NPRL3: variants seen among roughly 807,000 people sequenced by gnomAD.
NPRL3 encodes the protein NPR3 like, GATOR1 complex subunit.
NPRL3 carries 23 observed loss-of-function variants against 57.2 expected under a neutral mutation model. The observed-to-expected ratio is 0.40, with a 90% CI of 0.29 to 0.57. The LOEUF is 0.57. Ranked by LOEUF, NPRL3 falls within the 20% of genes least tolerant of loss-of-function variation. The probability of loss-of-function intolerance (pLI) is 0.42; values close to 1 mark genes in which losing one functional copy is unlikely to be tolerated. For missense variants in NPRL3, 691 were observed against 767.1 expected (o/e 0.90, Z 1.17); for synonymous variants, 333 against 321.1 (o/e 1.04, Z -0.39).
At chr16:95,426 AGGTT>A (rs1179979811) in intron 9 of NPRL3, among the ~76,000 whole-genome samples, 1 of 150,298 alleles carries the variant, frequency 6.7e-6, no homozygotes, top group African/African-American at 2.4e-5. Context: ...GGAGGGATCT[AGGTT>A]ACCTGTGGGA....
Position 86,441 on chromosome 16 carries a change from C to T in NPRL3, c.*264G>A, listed in dbSNP as rs555536480. On this transcript the variant is annotated 3_prime_UTR_variant, in exon 14 of 14. Transcript: ENST00000611875. ...CAGAGACAGGAGTCCTGGCAGGCCC[C>T]CCTCCAGCGTGGAGATGCCTACGCG... 1 of 460,286 alleles carries T rather than the reference C, an allele frequency of 2.2e-6. No homozygotes were observed. The highest frequency in any genetic ancestry group is 4.0e-6 in the Non-Finnish European group (1 of 252,642). The allele number at this position is 460,286 out of a possible 1,614,324, so 28.5% of individuals were successfully genotyped here.
At chr16:88,548 G>T in intron 13 of NPRL3, 150 bp downstream of exon 13, 1 of 724,742 alleles carries the variant, frequency 1.4e-6, no homozygotes, top group Non-Finnish European at 2.3e-6. Flanking sequence ...AGTGGCACCT[G>T]CCCCTACACA....
chr16:112,486 C>G, intron 6 of NPRL3, 136 bp downstream of exon 6: 1 of 825,392 alleles, frequency 1.2e-6, no homozygotes, highest in Non-Finnish European at 1.7e-6. Context: ...GACTGCTCTG[C>G]TGGTGTTGGG....
intron 2 of NPRL3, among the ~76,000 whole-genome samples, chr16:136,113 G>A (rs1901062613): frequency 6.6e-6 from 1 of 152,182 alleles, no homozygotes; most frequent in African/African-American, 2.4e-5. Context: ...ATGCTACTTT[G>A]GGGATTTAAT....
chr16:123,725 C>CA (rs1365683369), intron 3 of NPRL3, among the ~76,000 whole-genome samples: 1 of 151,732 alleles, frequency 6.6e-6, no homozygotes, highest in Non-Finnish European at 1.5e-5. Flanking sequence ...CAGGATCACA[C>CA]ACTCCCCACG....
At chr16:88,604 A>T in intron 13 of NPRL3, 94 bp downstream of exon 13, 1 of 1,126,938 alleles carries the variant, frequency 8.9e-7, no homozygotes, top group Non-Finnish European at 1.3e-6. Context: ...ATCTGTTCTC[A>T]GTGGATTTGG....
intron 7 of NPRL3, among the ~76,000 whole-genome samples, chr16:103,828 T>C (rs958890376): frequency 5.9e-5 from 9 of 152,044 alleles, no homozygotes; most frequent in Admixed American, 5.9e-4. Flanking sequence ...AAAATACAAA[T>C]ATTAGGCCGG....
Position 86,444 on chromosome 16 carries a change from T to A in NPRL3, c.*261A>T. ...AGACAGGAGTCCTGGCAGGCCCCCCTCCAGCGTGGAGATGCCTACGCGTGC... is the reference window on the plus strand; with the variant it reads ...AGACAGGAGTCCTGGCAGGCCCCCCACCAGCGTGGAGATGCCTACGCGTGC... On this transcript the variant is annotated 3_prime_UTR_variant, in exon 14 of 14. Coordinates refer to ENST00000611875, the MANE Select transcript of NPRL3 (RefSeq NM_001077350.3). The A allele has an allele frequency of 2.2e-6, 1 of 459,564 alleles. No individual in the cohort carries two copies. The allele number at this position is 459,564 out of a possible 1,614,324, so 28.5% of individuals were successfully genotyped here. A position where few individuals can be genotyped will look rare whatever the true frequency, so the allele number is the denominator to read the frequency against.
intron 7 of NPRL3, among the ~76,000 whole-genome samples, chr16:103,305 T>TGTTTGTTTG (rs1567136035): frequency 5.0e-5 from 5 of 100,318 alleles, no homozygotes; most frequent in African/African-American, 1.9e-4. Context: ...GATTTTTTTT[T>TGTTTGTTTG]TTTTTTTTTT....
Position 102,279 on chromosome 16 carries a change from CA to C in NPRL3, c.630-1771del, listed in dbSNP as rs558121796. The stretch of plus-strand genomic sequence containing the variant: ...CCTTGCCTTAAGTAAGAGCCAACAG[CA>C]CTTGTTCTATGACACAGAGGAGATG... On this transcript the variant is annotated intron_variant, in intron 7 of 13. Transcript: ENST00000611875. 3.9e-3 allele frequency among the ~76,000 whole-genome samples: 589 copies of C among 152,324 alleles called. 4 individuals carry two copies. The highest frequency in any genetic ancestry group is 6.5e-3 in the Non-Finnish European group (439 of 68,022).
In NPRL3 at chr16:138,336, TGAGG is replaced by T; in HGVS notation, c.-67-6_-67-3del. ...GACGGAGCCGGAGGCGGAGGGGGCC[TGAGG>T]AGGACGGAGCCGGAGGCGGAGGGGG... On this transcript the variant is annotated splice_polypyrimidine_tract_variant and splice_region_variant and intron_variant, in intron 1 of 13. Transcript: ENST00000611875. 1 of 551,892 alleles carries T rather than the reference TGAGG, an allele frequency of 1.8e-6. No homozygotes were observed. 34.2% of individuals were successfully genotyped at this position (551,892 alleles called of 1,614,324 possible). A position where few individuals can be genotyped will look rare whatever the true frequency, so the allele number is the denominator to read the frequency against.
At chr16:104,083 G>A (rs1056023643) in intron 7 of NPRL3, among the ~76,000 whole-genome samples, 2 of 150,076 alleles carry the variant, frequency 1.3e-5, no homozygotes, top group African/African-American at 4.9e-5. Context: ...CTGAGATCGT[G>A]CCATTGCACT....
intron 2 of NPRL3, among the ~76,000 whole-genome samples, chr16:136,930 G>A (rs781344562): frequency 8.6e-5 from 13 of 151,692 alleles, no homozygotes; most frequent in Non-Finnish European, 1.2e-4. Context: ...TGAACAGTCC[G>A]GGTGCGGTGG....
intron 5 of NPRL3, among the ~76,000 whole-genome samples, chr16:114,388 T>C (rs1005814103): frequency 2.0e-5 from 3 of 152,208 alleles, no homozygotes; most frequent in Non-Finnish European, 4.4e-5. Flanking sequence ...ATTTTCACCA[T>C]ACACGACATA....
intron 3 of NPRL3, among the ~76,000 whole-genome samples, chr16:129,582 C>G (rs938899161): frequency 6.6e-6 from 1 of 152,106 alleles, no homozygotes; most frequent in Non-Finnish European, 1.5e-5. Flanking sequence ...TTTGGGAGGC[C>G]AAGGAAGGAA....
chr16:120,070 G>A (rs1900218773), intron 3 of NPRL3, among the ~76,000 whole-genome samples: 1 of 152,194 alleles, frequency 6.6e-6, no homozygotes, highest in Admixed American at 6.5e-5. Flanking sequence ...ACCTGCAGGG[G>A]TGCTGTGGGT....
chr16:88,353 A>G (rs1006422039), intron 13 of NPRL3, among the ~76,000 whole-genome samples: 9 of 148,194 alleles, frequency 6.1e-5, no homozygotes, highest in African/African-American at 2.4e-4. Context: ...TGCAGTCCGC[A>G]GTCCGGCCTG....
rs1009576974 is a variant in NPRL3 at position 101,938 on chromosome 16, A to G, written c.630-1429T>C. On this transcript the variant is annotated intron_variant, in intron 7 of 13. Coordinates refer to ENST00000611875, the MANE Select transcript of NPRL3 (RefSeq NM_001077350.3). ...CCCGCTGCCTAATGCTGTCTCCCCA[A>G]CCAGAACTCACTCCTGAGGAGGGGG... 3.3e-5 allele frequency among the ~76,000 whole-genome samples: 5 copies of G among 152,070 alleles called. No homozygotes were observed. In the South Asian group the frequency reaches 1.0e-3, roughly 32 times the overall value.
intron 2 of NPRL3, among the ~76,000 whole-genome samples, chr16:136,621 C>T (rs1488922248): frequency 6.8e-6 from 1 of 146,844 alleles, no homozygotes; most frequent in African/African-American, 2.5e-5. Context: ...GACAGGGGGT[C>T]GGAGGTTGCG....
Sources: gnomAD v4.1 joint callset for allele counts (sites outside exome capture counted in the v4.1 genomes callset) on GRCh38, gnomAD v4.1.1 for gene constraint, MANE v1.5 for transcripts, NCBI Gene and HGNC (gene_info 2026-07-23, HGNC 2026-07-21) for gene names.